Variants in DDX31 observed in about 807,000 individuals in gnomAD.
DDX31 encodes the protein DEAD-box helicase 31.
Under a neutral mutation model 91.3 loss-of-function variants are expected in DDX31, and 70 were observed. The observed-to-expected ratio is 0.77, with a 90% CI of 0.63 to 0.94. DDX31 has a LOEUF of 0.94. DDX31 is among the 40% of genes least tolerant of loss of function. DDX31 has a pLI of 0.00. For synonymous variants in DDX31, 362 were observed against 350.6 expected (o/e 1.03, Z -0.36); for missense variants, 902 against 925.0 (o/e 0.98, Z 0.32).
chr9:132,621,270 C>T (rs1832013819), intron 17 of DDX31, among the ~76,000 whole-genome samples: 1 of 152,130 alleles, frequency 6.6e-6, no homozygotes, highest in Non-Finnish European at 1.5e-5. Flanking sequence ...TGCCAACTTC[C>T]AAGGTATTTT....
intron 16 of DDX31, among the ~76,000 whole-genome samples, chr9:132,628,037 C>T (rs1305253918): frequency 1.3e-5 from 2 of 152,198 alleles, no homozygotes; most frequent in Non-Finnish European, 2.9e-5. Context: ...GTCGTTGTTG[C>T]TGTTTTGCAT....
intron 19 of DDX31, among the ~76,000 whole-genome samples, chr9:132,603,077 C>A (rs1830807758): frequency 6.6e-6 from 1 of 152,196 alleles, no homozygotes; most frequent in African/African-American, 2.4e-5. Context: ...GTCACAGGGA[C>A]TGGATGAGGC....
intron 5 of DDX31, among the ~76,000 whole-genome samples, chr9:132,659,022 C>A (rs1834765841): frequency 6.6e-6 from 1 of 152,200 alleles, no homozygotes; most frequent in Non-Finnish European, 1.5e-5. Context: ...CACAGAAGCT[C>A]AACTTGATGG....
rs1830313295 is a variant in DDX31, at chr9:132,593,948, T to C, written c.*918A>G. On this transcript the variant is annotated 3_prime_UTR_variant, in exon 20 of 20. Transcript: ENST00000372159. Reference sequence around the variant, plus strand: ...GACCCCTCTGCAAGTGCCCAAATCTTACATTTATTGGGAAATCAATATGCT... The same window carrying C: ...GACCCCTCTGCAAGTGCCCAAATCTCACATTTATTGGGAAATCAATATGCT... 1 of 148,028 alleles carries C rather than the reference T, an allele frequency of 6.8e-6. No homozygotes were observed. Among genetic ancestry groups the C allele is most frequent in the Non-Finnish European group, 1.5e-5 (1 of 67,548 alleles). The allele number at this position is 148,028 out of a possible 1,614,324, so 9.2% of individuals were successfully genotyped here.
rs1239470003 is a variant in DDX31 at position 132,642,045 on chromosome 9, G to C, written c.1399C>G (p.Gln467Glu). 2 of 1,614,064 alleles carry C rather than the reference G, an allele frequency of 1.2e-6. No individual in the cohort carries two copies. Among genetic ancestry groups the C allele is most frequent in the Non-Finnish European group, 1.7e-6 (2 of 1,180,026 alleles). Residue 467 changes from glutamine to glutamate, a missense_variant, in exon 14 of 20, where the codon CAG becomes GAG. Gln to Glu is a conservative substitution (Grantham distance 29, BLOSUM62 2). Transcript: ENST00000372159. The stretch of plus-strand genomic sequence containing the variant: ...CCTCTTCTGGAATGTGAAAATTCCT[G>C]AAACACTGCTGTTCTTTCCTACAAA... ...MEQEERTAVF[Q>E]EFSHSRRGVL...
At chr9:132,617,736 ATT>A (rs140937284) in intron 18 of DDX31, among the ~76,000 whole-genome samples, 2,464 of 152,278 alleles carry the variant, frequency 0.016, 81 homozygotes, top group African/African-American at 0.057. Flanking sequence ...TACACTGCTT[ATT>A]ACTCAACGTG....
rs761132557 is a variant in DDX31 at position 132,630,368 on chromosome 9, G to A, written c.1527C>T (p.His509=). 2 of 1,603,718 alleles carry A rather than the reference G, an allele frequency of 1.2e-6. No individual in the cohort carries two copies. The highest frequency in any genetic ancestry group is 1.7e-6 in the Non-Finnish European group (2 of 1,171,544). ...NAPSSPAEYI[H]RIGRTARIGC... is the part of the protein sequence containing the mutation. The stretch of plus-strand genomic sequence containing the variant: ...CAATCCGGGCGGTTCTTCCAATCCG[G>A]TGGATGTATTCTGCAGGTGAAGATG... The change falls in exon 16 of 20, where the codon CAC becomes CAT. Residue 509 remains histidine (H), a synonymous_variant. Transcript: ENST00000372159.
chr9:132,645,645 G>A (rs1833782858), intron 13 of DDX31, among the ~76,000 whole-genome samples: 1 of 152,150 alleles, frequency 6.6e-6, no homozygotes, highest in Non-Finnish European at 1.5e-5. Context: ...CTCTCGGGTG[G>A]AAGAGACCAG....
At chr9:132,658,556 GA>G (rs1459953557) in intron 6 of DDX31, 114 bp downstream of exon 6, 13 of 962,424 alleles carry the variant, frequency 1.4e-5, no homozygotes, top group Non-Finnish European at 1.8e-5. Flanking sequence ...AAAAGGAGGT[GA>G]AAAAAATACT....
chr9:132,634,309 C>G (rs1272550108), intron 14 of DDX31, among the ~76,000 whole-genome samples: 1 of 152,160 alleles, frequency 6.6e-6, no homozygotes, highest in African/African-American at 2.4e-5. Context: ...ACTCCTTTAC[C>G]TAGATTCTGC....
At chr9:132,611,649 C>T (rs553632050) in intron 19 of DDX31, among the ~76,000 whole-genome samples, 22 of 152,110 alleles carry the variant, frequency 1.4e-4, no homozygotes, top group African/African-American at 5.1e-4. Context: ...ACTGGAGGTG[C>T]AACTCAGCAG....
At chr9:132,634,809 G>A (rs1291028122) in intron 14 of DDX31, among the ~76,000 whole-genome samples, 3 of 151,854 alleles carry the variant, frequency 2.0e-5, no homozygotes, top group Admixed American at 6.6e-5. Context: ...GGGCTCAAGC[G>A]ATCCCCCCAT....
chr9:132,604,658 C>T (rs527794889), intron 19 of DDX31, among the ~76,000 whole-genome samples: 5 of 152,178 alleles, frequency 3.3e-5, no homozygotes, highest in Non-Finnish European at 4.4e-5. Flanking sequence ...TACTGAAACA[C>T]GGTCTCCTGG....
At chr9:132,667,388 C>T (rs2583807) in intron 1 of DDX31, among the ~76,000 whole-genome samples, 22,912 of 151,462 alleles carry the variant, frequency 0.15, 3,467 homozygotes, top group African/African-American at 0.39. Flanking sequence ...ATCACAAGGT[C>T]GGGAGATGGA....
rs764119159 is a variant in DDX31 at position 132,662,692 on chromosome 9, C to G, written c.79G>C (p.Ala27Pro). 2.5e-6 allele frequency: 4 copies of G among 1,614,012 alleles called. No individual in the cohort carries two copies. In the South Asian group the frequency reaches 4.4e-5, roughly 18 times the overall value. The change falls in exon 2 of 20, where the codon GCA becomes CCA. Residue 27 changes from alanine to proline, a missense_variant. Transcript: ENST00000372159. Reference protein sequence around the residue: ...RRPPAQASRQAKATKRKYQAS... With the variant: ...RRPPAQASRQPKATKRKYQAS... ...TGGTATTTTCTTTTCGTAGCCTTTGCTTGCTGCGTTGTTCCCAGAAGGAAA... is the reference window on the plus strand; with the variant it reads ...TGGTATTTTCTTTTCGTAGCCTTTGGTTGCTGCGTTGTTCCCAGAAGGAAA...
intron 15 of DDX31, 56 bp downstream of exon 15, chr9:132,631,985 T>C (rs1004534781): frequency 2.5e-5 from 37 of 1,483,794 alleles, no homozygotes; most frequent in Non-Finnish European, 3.1e-5. Context: ...CCAATGCATC[T>C]ACTCATGATC....
intron 1 of DDX31, chr9:132,663,344 C>T: frequency 7.8e-7 from 1 of 1,286,496 alleles, no homozygotes; most frequent in South Asian, 1.2e-5. Context: ...CTGCTCCATC[C>T]ATCACCTCTA....
At chr9:132,661,483 GCA>G (rs1318646323) in intron 3 of DDX31, among the ~76,000 whole-genome samples, 1 of 152,100 alleles carries the variant, frequency 6.6e-6, no homozygotes, top group Non-Finnish European at 1.5e-5. Flanking sequence ...GGGGAGGGGG[GCA>G]CTGCTGGCAT....
intron 15 of DDX31, 83 bp downstream of exon 15, chr9:132,631,958 A>G (rs1308933933): frequency 2.4e-6 from 3 of 1,242,966 alleles, no homozygotes; most frequent in Non-Finnish European, 3.4e-6. Flanking sequence ...GGATAATAAT[A>G]ATTATTCTAC....
Sources: gnomAD v4.1 joint callset for allele counts (sites outside exome capture counted in the v4.1 genomes callset) on GRCh38, gnomAD v4.1.1 for gene constraint, MANE v1.5 for transcripts, NCBI Gene and HGNC (gene_info 2026-07-23, HGNC 2026-07-21) for gene names.